PCDHB1: variants seen among roughly 807,000 people sequenced by gnomAD.
The protein encoded by PCDHB1 is protocadherin beta-1.
Under a neutral mutation model 43.5 loss-of-function variants are expected in PCDHB1, and 44 were observed. The ratio of observed to expected loss-of-function variants is 1.01; its 90% CI spans 0.79 to 1.30. PCDHB1 has a LOEUF of 1.30. PCDHB1 is among the 50% of genes most tolerant of loss of function. The pLI, the probability that PCDHB1 is intolerant of heterozygous loss-of-function variation, is 0.00. For synonymous variants in PCDHB1, 392 were observed against 400.8 expected (o/e 0.98, Z 0.26); for missense variants, 919 against 1,008.9 (o/e 0.91, Z 1.21).
chr5:141,053,840 G>C lies in PCDHB1; in HGVS notation c.2370G>C (p.Glu790Asp). The change falls in exon 1 of 1, where the codon GAG (glutamate) becomes GAC (aspartate). Residue 790 changes from glutamate (E) to aspartate (D), a missense_variant. Coordinates refer to ENST00000306549, the MANE Select transcript of PCDHB1 (RefSeq NM_013340.4). ...FPHATGEIKM[E>D]AGSSLPPNSD... ...ATGCCACTGGGGAGATAAAAATGGA[G>C]GCTGGCTCCAGTTTGCCCCCAAATT... 1.9e-6 allele frequency: 3 copies of C among 1,614,154 alleles called. No individual in the cohort carries two copies. The highest frequency in any genetic ancestry group is 4.5e-5 in the East Asian group (2 of 44,882).
Position 141,058,880 on chromosome 5 carries a change from G to A in PCDHB1, c.*4953G>A, listed in dbSNP as rs1554268002. 1 of 151,958 alleles carries A rather than the reference G, an allele frequency of 6.6e-6. No homozygotes were observed. Among genetic ancestry groups the A allele is most frequent in the Admixed American group, 6.6e-5 (1 of 15,252 alleles). The allele number at this position is 151,958 out of a possible 1,614,324, so 9.4% of individuals were successfully genotyped here. On this transcript the variant is annotated 3_prime_UTR_variant, in exon 1 of 1. Coordinates refer to ENST00000306549, the MANE Select transcript of PCDHB1 (RefSeq NM_013340.4). The stretch of plus-strand genomic sequence containing the variant: ...TTAGTTAGTTATTTCTTTACATAAG[G>A]ATACCTGGATATCTCCTCTATTATT...
rs1052794214 is a variant in PCDHB1 at position 141,058,610 on chromosome 5, T to C, written c.*4683T>C. The stretch of plus-strand genomic sequence containing the variant: ...TTGATCGCTTGGTTAACATAATGTC[T>C]GCCACGTTTCTCTACTATAAAGTTA... On this transcript the variant is annotated 3_prime_UTR_variant, in exon 1 of 1. Transcript: ENST00000306549. 22 of 152,322 alleles carry C rather than the reference T, an allele frequency of 1.4e-4. No individual in the cohort carries two copies. Among genetic ancestry groups the C allele is most frequent in the African/African-American group, 4.3e-4 (18 of 41,582 alleles). 9.4% of individuals were successfully genotyped at this position (152,322 alleles called of 1,614,324 possible).
chr5:141,052,129 C>T lies in PCDHB1; in HGVS notation c.659C>T (p.Pro220Leu). Reference sequence around the variant, plus strand: ...ATTACGGCGGTGGACGGCGGGTCCCCGCCTAAGTCTGGCACAGCTCACATC... The same window carrying T: ...ATTACGGCGGTGGACGGCGGGTCCCTGCCTAAGTCTGGCACAGCTCACATC... ...LTITAVDGGS[P>L]PKSGTAHIHV... Residue 220 changes from proline (P) to leucine (L), a missense_variant, in exon 1 of 1, where the codon CCG becomes CTG. Coordinates refer to ENST00000306549, the MANE Select transcript of PCDHB1 (RefSeq NM_013340.4). 5 of 1,612,976 alleles carry T rather than the reference C, an allele frequency of 3.1e-6. No individual in the cohort carries two copies. Among genetic ancestry groups the T allele is most frequent in the Non-Finnish European group, 4.2e-6 (5 of 1,179,538 alleles).
Position 141,058,267 on chromosome 5 carries a change from T to A in PCDHB1, c.*4340T>A, listed in dbSNP as rs1250543080. On this transcript the variant is annotated 3_prime_UTR_variant, in exon 1 of 1. Coordinates refer to ENST00000306549, the MANE Select transcript of PCDHB1 (RefSeq NM_013340.4). ...CTTAGTCTCTACCACCTGTGACAGT[T>A]CCTTACTCTTACCTTGTCTATCATG... 6.6e-6 allele frequency: 1 copy of A among 152,212 alleles called. No homozygotes were observed. The highest frequency in any genetic ancestry group is 1.5e-5 in the Non-Finnish European group (1 of 68,042). 9.4% of individuals were successfully genotyped at this position (152,212 alleles called of 1,614,324 possible). A position where few individuals can be genotyped will look rare whatever the true frequency, so the allele number is the denominator to read the frequency against.
Position 141,052,718 on chromosome 5 carries a change from A to T in PCDHB1, c.1248A>T (p.Ser416=). 1 of 1,614,188 alleles carries T rather than the reference A, an allele frequency of 6.2e-7. No individual in the cohort carries two copies. Among genetic ancestry groups the T allele is most frequent in the Non-Finnish European group, 8.5e-7 (1 of 1,180,022 alleles). ...GAAGCTTGGATCGGGAGGAGGTCTC[A>T]GGCTATAATATCACCATTGTTGCCA... The part of the protein sequence containing the change: ...TDRSLDREEV[S]GYNITIVAMD... The change falls in exon 1 of 1, where the codon TCA becomes TCT. Residue 416 remains serine, a synonymous_variant. Transcript: ENST00000306549.
In PCDHB1 at chr5:141,053,299, C is replaced by A; in HGVS notation, c.1829C>A (p.Ala610Asp). 2 of 1,614,172 alleles carry A rather than the reference C, an allele frequency of 1.2e-6. No individual in the cohort carries two copies. The highest frequency in any genetic ancestry group is 1.7e-6 in the Non-Finnish European group (2 of 1,180,024). ...NSWLSYHLLKATDLGLFSVQR... is the reference protein window; with the variant it reads ...NSWLSYHLLKDTDLGLFSVQR... The stretch of plus-strand genomic sequence containing the variant: ...TGGCTTTCATATCATCTACTTAAGG[C>A]CACTGACCTTGGGTTATTTTCTGTT... Residue 610 changes from alanine to aspartate, a missense_variant, in exon 1 of 1, where the codon GCC becomes GAC. Coordinates refer to ENST00000306549, the MANE Select transcript of PCDHB1 (RefSeq NM_013340.4).
Position 141,053,383 on chromosome 5 carries a change from T to C in PCDHB1, c.1913T>C (p.Met638Thr). 1.9e-6 allele frequency: 3 copies of C among 1,614,222 alleles called. No individual in the cohort carries two copies. The highest frequency in any genetic ancestry group is 3.3e-4 in the Middle Eastern group (2 of 6,062). ...LRQISERDPM[M>T]QKLIILVQDH... ...CAGATATCTGAGAGAGACCCCATGA[T>C]GCAGAAATTGATCATTCTTGTTCAG... The change falls in exon 1 of 1, where the codon ATG becomes ACG. Residue 638 changes from methionine to threonine, a missense_variant. By Grantham distance (81) the Met-to-Thr change is moderately conservative (BLOSUM62 -1). Transcript: ENST00000306549.
In PCDHB1 at chr5:141,056,336, G is replaced by C. The variant is rs1378555040; in HGVS notation, c.*2409G>C. ...TAGTGCTGTTATTTTTTAGATGTTAGAGATGCTTAGGGCAGAACTGGTGTA... is the reference window on the plus strand; with the variant it reads ...TAGTGCTGTTATTTTTTAGATGTTACAGATGCTTAGGGCAGAACTGGTGTA... On this transcript the variant is annotated 3_prime_UTR_variant, in exon 1 of 1. Transcript: ENST00000306549. 2 of 152,164 alleles carry C rather than the reference G, an allele frequency of 1.3e-5. No homozygotes were observed. Among genetic ancestry groups the C allele is most frequent in the Non-Finnish European group, 2.9e-5 (2 of 68,028 alleles). 9.4% of individuals were successfully genotyped at this position (152,164 alleles called of 1,614,324 possible). A position where few individuals can be genotyped will look rare whatever the true frequency, so the allele number is the denominator to read the frequency against.
At position 141,051,838 on chromosome 5, in the gene PCDHB1, T is replaced by A; in HGVS notation, c.368T>A (p.Val123Glu). 1 of 1,614,142 alleles carries A rather than the reference T, an allele frequency of 6.2e-7. No homozygotes were observed. The highest frequency in any genetic ancestry group is 8.5e-7 in the Non-Finnish European group (1 of 1,180,014). ...CAGTCCTTCCGGGCCGAGGTCAGGG[T>A]ATTTGATATCAATGACAATGCCCCA... is the stretch of plus-strand genomic sequence containing the variant. ...PLQSFRAEVRVFDINDNAPVF... is the reference protein window; with the variant it reads ...PLQSFRAEVREFDINDNAPVF... Residue 123 changes from valine to glutamate, a missense_variant, in exon 1 of 1, where the codon GTA becomes GAA. Coordinates refer to ENST00000306549, the MANE Select transcript of PCDHB1 (RefSeq NM_013340.4).
In PCDHB1 at chr5:141,053,273, T is replaced by C. The variant is rs1455136341; in HGVS notation, c.1803T>C (p.Ser601=). The C allele has an allele frequency of 5.0e-6, 8 of 1,614,112 alleles. No homozygotes were observed. In the Admixed American group the frequency reaches 6.7e-5, roughly 13 times the overall value. ...VAVDGDSGQN[S]WLSYHLLKAT... ...TGGATGGTGACTCAGGTCAGAATTC[T>C]TGGCTTTCATATCATCTACTTAAGG... Residue 601 remains serine (S), a synonymous_variant, in exon 1 of 1, where the codon TCT becomes TCC. Coordinates refer to ENST00000306549, the MANE Select transcript of PCDHB1 (RefSeq NM_013340.4).
rs782573947 is a variant in PCDHB1 at position 141,052,091 on chromosome 5, A to G, written c.621A>G (p.Glu207=). 62 of 1,613,978 alleles carry G rather than the reference A, an allele frequency of 3.8e-5. No individual in the cohort carries two copies. Among genetic ancestry groups the G allele is most frequent in the Non-Finnish European group, 4.6e-5 (54 of 1,180,018 alleles). ...CCCTGGACCGAGAGGAGCAGCCTGA[A>G]GTCAACTTGACAATTACGGCGGTGG... ...NKPLDREEQP[E]VNLTITAVDG... Residue 207 remains glutamate (E), a synonymous_variant, in exon 1 of 1, where the codon GAA becomes GAG. Transcript: ENST00000306549.
rs1490465099 is a variant in PCDHB1 at position 141,056,431 on chromosome 5, C to T, written c.*2504C>T. 37 of 152,044 alleles carry T rather than the reference C, an allele frequency of 2.4e-4. No individual in the cohort carries two copies. The highest frequency in any genetic ancestry group is 5.1e-4 in the Non-Finnish European group (35 of 68,020). 9.4% of individuals were successfully genotyped at this position (152,044 alleles called of 1,614,324 possible). On this transcript the variant is annotated 3_prime_UTR_variant, in exon 1 of 1. Transcript: ENST00000306549. Reference sequence around the variant, plus strand: ...GCAAATGCACTATATCAATGAATTGCTTTTATTTTTAATATTAAATATTTT... The same window carrying T: ...GCAAATGCACTATATCAATGAATTGTTTTTATTTTTAATATTAAATATTTT...
Position 141,051,568 on chromosome 5 carries a change from A to G in PCDHB1, c.98A>G (p.Tyr33Cys). 6.2e-7 allele frequency: 1 copy of G among 1,614,244 alleles called. No homozygotes were observed. Among genetic ancestry groups the G allele is most frequent in the African/African-American group, 1.3e-5 (1 of 75,068 alleles). The part of the protein sequence containing the change: ...ISVGDATTIR[Y>C]SVAEEMESGS... ...GTGGGGGATGCGACAACTATCCGCT[A>G]TTCAGTGGCAGAGGAAATGGAGAGC... The change falls in exon 1 of 1, where the codon TAT becomes TGT. Residue 33 changes from tyrosine to cysteine, a missense_variant. Coordinates refer to ENST00000306549, the MANE Select transcript of PCDHB1 (RefSeq NM_013340.4).
rs1014707587 is a variant in PCDHB1, at chr5:141,056,023, C to T, written c.*2096C>T. 6 of 151,680 alleles carry T rather than the reference C, an allele frequency of 4.0e-5. No individual in the cohort carries two copies. Among genetic ancestry groups the T allele is most frequent in the African/African-American group, 1.5e-4 (6 of 41,228 alleles). The allele number at this position is 151,680 out of a possible 1,614,324, so 9.4% of individuals were successfully genotyped here. A position where few individuals can be genotyped will look rare whatever the true frequency, so the allele number is the denominator to read the frequency against. On this transcript the variant is annotated 3_prime_UTR_variant, in exon 1 of 1. Coordinates refer to ENST00000306549, the MANE Select transcript of PCDHB1 (RefSeq NM_013340.4). Reference sequence around the variant, plus strand: ...AGGGGTGCAGTAAGCTATGATTGCACTTCTGCACTCCAGCCTGGGCAAAAG... The same window carrying T: ...AGGGGTGCAGTAAGCTATGATTGCATTTCTGCACTCCAGCCTGGGCAAAAG...
rs1029735908 is a variant in PCDHB1, at chr5:141,051,652, C to A, written c.182C>A (p.Ala61Glu). 1 of 1,614,104 alleles carries A rather than the reference C, an allele frequency of 6.2e-7. No individual in the cohort carries two copies. The highest frequency in any genetic ancestry group is 1.3e-5 in the African/African-American group (1 of 74,944). ...DLGLEVGKLA[A>E]RGARLVSEGN... ...GGACTGGAGGTAGGGAAGCTGGCTG[C>A]GCGCGGGGCGCGGCTGGTTTCCGAG... Residue 61 changes from alanine (A) to glutamate (E), a missense_variant, in exon 1 of 1, where the codon GCG (alanine) becomes GAG (glutamate). Ala to Glu is a moderately radical substitution (Grantham distance 107). Coordinates refer to ENST00000306549, the MANE Select transcript of PCDHB1 (RefSeq NM_013340.4).
In PCDHB1 at chr5:141,057,632, T is replaced by C. The variant is rs1751162589; in HGVS notation, c.*3705T>C. The C allele has an allele frequency of 6.7e-6, 1 of 150,264 alleles. No individual in the cohort carries two copies. Among genetic ancestry groups the C allele is most frequent in the South Asian group, 2.1e-4 (1 of 4,792 alleles). 9.3% of individuals were successfully genotyped at this position (150,264 alleles called of 1,614,324 possible). ...GAAACCATCCTTTAAATTTAAAAAATGTATCGATTTAATAAAAAATTATTT... is the reference window on the plus strand; with the variant it reads ...GAAACCATCCTTTAAATTTAAAAAACGTATCGATTTAATAAAAAATTATTT... On this transcript the variant is annotated 3_prime_UTR_variant, in exon 1 of 1. Coordinates refer to ENST00000306549, the MANE Select transcript of PCDHB1 (RefSeq NM_013340.4).
In PCDHB1 at chr5:141,051,988, G is replaced by A. The variant is rs782302687; in HGVS notation, c.518G>A (p.Ser173Asn). ...GLNGLQNYTL[S>N]ANGYFHLHTR... is the part of the protein sequence containing the mutation. ...AACGGTCTCCAGAACTACACCCTGA[G>A]TGCCAATGGGTATTTCCACCTGCAC... Residue 173 changes from serine to asparagine, a missense_variant, in exon 1 of 1, where the codon AGT (serine) becomes AAT (asparagine). Transcript: ENST00000306549. 61 of 1,614,086 alleles carry A rather than the reference G, an allele frequency of 3.8e-5. No homozygotes were observed. The Admixed American group carries it at 1.0e-3, about 27-fold the overall frequency.
At position 141,053,519 on chromosome 5, in the gene PCDHB1, G is replaced by C. The variant is rs781925407; in HGVS notation, c.2049G>C (p.Lys683Asn). The change falls in exon 1 of 1, where the codon AAG becomes AAC. Residue 683 changes from lysine (K) to asparagine (N), a missense_variant. Transcript: ENST00000306549. ...AGGATCCAACCAAGCATTCTAGAAAGGTAAATCCATCCACTAAATATTTGG... is the reference window on the plus strand; with the variant it reads ...AGGATCCAACCAAGCATTCTAGAAACGTAAATCCATCCACTAAATATTTGG... Reference protein sequence around the residue: ...QFQDPTKHSRKVNPSTKYLVI... With the variant: ...QFQDPTKHSRNVNPSTKYLVI... 11 of 1,614,090 alleles carry C rather than the reference G, an allele frequency of 6.8e-6. No individual in the cohort carries two copies. The highest frequency in any genetic ancestry group is 1.1e-5 in the South Asian group (1 of 91,072).
rs951022643 is a variant in PCDHB1, at chr5:141,057,147, G to A, written c.*3220G>A. On this transcript the variant is annotated 3_prime_UTR_variant, in exon 1 of 1. Transcript: ENST00000306549. ...ATACACACATACACAATGGACAGAA[G>A]ATGTAGATTTGTCAACTTTTTATTT... 1 of 152,130 alleles carries A rather than the reference G, an allele frequency of 6.6e-6. No individual in the cohort carries two copies. The highest frequency in any genetic ancestry group is 2.4e-5 in the African/African-American group (1 of 41,412). The allele number at this position is 152,130 out of a possible 1,614,324, so 9.4% of individuals were successfully genotyped here. A position where few individuals can be genotyped will look rare whatever the true frequency, so the allele number is the denominator to read the frequency against.
Sources: gnomAD v4.1 joint callset for allele counts on GRCh38, gnomAD v4.1.1 for gene constraint, MANE v1.5 for transcripts, NCBI Gene and HGNC (gene_info 2026-07-23, HGNC 2026-07-21) for gene names.